DIAPH2: variants seen among roughly 807,000 people sequenced by gnomAD.
DIAPH2 encodes protein diaphanous homolog 2.
A neutral mutation model predicts 92.7 loss-of-function variants in DIAPH2; 35 were observed. The ratio of observed to expected loss-of-function variants is 0.38; its 90% confidence interval spans 0.29 to 0.50. DIAPH2 has a LOEUF of 0.50. DIAPH2 is among the 20% of genes least tolerant of loss of function. The pLI, the probability that DIAPH2 is intolerant of heterozygous loss-of-function variation, is 0.94. For synonymous variants in DIAPH2, 301 were observed against 280.4 expected, an observed-to-expected ratio of 1.07 and a Z score of -0.73; for missense variants, 701 against 819.5, an observed-to-expected ratio of 0.86 and a Z score of 1.77.
At chrX:97,541,378 A>G (rs1226750417) in intron 26 of DIAPH2, among the ~76,000 whole-genome samples, 4 of 111,857 alleles carry the variant, frequency 3.6e-5, no homozygotes, top group Non-Finnish European at 5.6e-5. Context: ...TGAGATCACA[A>G]AGAAGTACTG....
chrX:97,424,116 A>G (rs759276414), intron 25 of DIAPH2, among the ~76,000 whole-genome samples: 2 of 112,138 alleles, frequency 1.8e-5, no homozygotes, highest in South Asian at 7.4e-4. Context: ...AATCAATCCC[A>G]TGATTATATT....
intron 1 of DIAPH2, among the ~76,000 whole-genome samples, chrX:96,719,219 C>T (rs2063974362): frequency 8.9e-6 from 1 of 111,942 alleles, no homozygotes; most frequent in Non-Finnish European, 1.9e-5. Flanking sequence ...AATATTTTCT[C>T]CTATACTGTG....
At chrX:96,885,075 G>A (rs369646035) in intron 5 of DIAPH2, 3 of 1,205,464 alleles carry the variant, frequency 2.5e-6, no homozygotes, top group African/African-American at 3.5e-5. Context: ...TGGATCGGGA[G>A]CATTTTAAGT....
At chrX:97,489,429 TTTC>T (rs1206716189) in intron 26 of DIAPH2, among the ~76,000 whole-genome samples, 1 of 111,482 alleles carries the variant, frequency 9.0e-6, no homozygotes, top group South Asian at 3.7e-4. Flanking sequence ...GTCTTTTATT[TTTC>T]TTTTTCTTGT....
At chrX:97,539,692 A>G (rs756354370) in intron 26 of DIAPH2, among the ~76,000 whole-genome samples, 3 of 112,026 alleles carry the variant, frequency 2.7e-5, no homozygotes, top group African/African-American at 9.7e-5. Flanking sequence ...GAGCTTAGAA[A>G]TCATAGTCTT....
At chrX:97,532,467 G>T (rs2071066720) in intron 26 of DIAPH2, among the ~76,000 whole-genome samples, 1 of 112,562 alleles carries the variant, frequency 8.9e-6, no homozygotes, top group Admixed American at 9.4e-5. Flanking sequence ...GTGGCCCAGT[G>T]TCATCCCCAG....
At chrX:97,327,719 C>T (rs1456187021) in intron 23 of DIAPH2, among the ~76,000 whole-genome samples, 1 of 111,823 alleles carries the variant, frequency 8.9e-6, no homozygotes, top group Non-Finnish European at 1.9e-5. Context: ...GGAGTACAGG[C>T]GCAAGCCACT....
At chrX:97,369,414 G>A (rs1602541412) in intron 24 of DIAPH2, among the ~76,000 whole-genome samples, 2 of 68,341 alleles carry the variant, frequency 2.9e-5, no homozygotes, top group Non-Finnish European at 7.7e-5. Context: ...AGGTTTAAAG[G>A]TATGCTTGCT....
rs1421328307 is a variant in DIAPH2 at position 97,302,191 on chromosome X, G to A, written c.2845-45925G>A. 5.9e-5 allele frequency among the ~76,000 whole-genome samples: 4 copies of A among 67,830 alleles called. No individual in the cohort carries two copies. In the Admixed American group the frequency reaches 7.5e-4, roughly 13 times the overall value. The allele number at this position is 67,830 out of a possible 115,157, so 58.9% of individuals were successfully genotyped here. A position where few individuals can be genotyped will look rare whatever the true frequency, so the allele number is the denominator to read the frequency against. On this transcript the variant is annotated intron_variant, in intron 23 of 26. Coordinates refer to ENST00000324765, the MANE Select transcript of DIAPH2 (RefSeq NM_006729.5). ...TCGCACCACTGCACTCCAGCCTGACGATAGAGCAAGACTCCATCTCAAAAA... is the reference window on the plus strand; with the variant it reads ...TCGCACCACTGCACTCCAGCCTGACAATAGAGCAAGACTCCATCTCAAAAA...
intron 15 of DIAPH2, among the ~76,000 whole-genome samples, chrX:96,950,690 A>G (rs766108267): frequency 8.9e-6 from 1 of 111,811 alleles, no homozygotes; most frequent in East Asian, 2.8e-4. Flanking sequence ...TCTTCCTGAA[A>G]CAATTCCCTG....
chrX:97,242,836 G>T (rs1034895544), intron 22 of DIAPH2, among the ~76,000 whole-genome samples: 34 of 109,702 alleles, frequency 3.1e-4, no homozygotes, highest in African/African-American at 1.0e-3. Context: ...GCCCAGGCTG[G>T]AGTGCAGTGG....
chrX:97,443,938 C>G (rs906969380), intron 26 of DIAPH2, among the ~76,000 whole-genome samples: 1 of 111,849 alleles, frequency 8.9e-6, no homozygotes, highest in Non-Finnish European at 1.9e-5. Flanking sequence ...CATATGTTCT[C>G]GTCAGTCTTT....
intron 4 of DIAPH2, among the ~76,000 whole-genome samples, chrX:96,777,551 G>A: frequency 9.0e-6 from 1 of 111,223 alleles, no homozygotes; most frequent in Non-Finnish European, 1.9e-5. Flanking sequence ...AATGAAGCAA[G>A]ATCTTCATTT....
At chrX:97,338,257 C>G (rs1189796642) in intron 23 of DIAPH2, among the ~76,000 whole-genome samples, 1 of 111,885 alleles carries the variant, frequency 8.9e-6, no homozygotes. Flanking sequence ...AAAATTAATA[C>G]ATGCATTCCA....
intron 22 of DIAPH2, among the ~76,000 whole-genome samples, chrX:97,212,521 A>T (rs780138393): frequency 9.1e-6 from 1 of 109,513 alleles, no homozygotes; most frequent in Non-Finnish European, 1.9e-5. Context: ...GCCTCAACCA[A>T]GATCCTATTC....
At chrX:96,802,938 T>C (rs115945607) in intron 4 of DIAPH2, among the ~76,000 whole-genome samples, 2,893 of 111,446 alleles carry the variant, frequency 0.026, 87 homozygotes, top group African/African-American at 0.089. Flanking sequence ...CTTGGAGTCT[T>C]ACATTCCAGG....
chrX:97,169,688 A>G (rs1452964225), intron 22 of DIAPH2, among the ~76,000 whole-genome samples: 2 of 111,237 alleles, frequency 1.8e-5, no homozygotes, highest in East Asian at 5.7e-4. Flanking sequence ...ACATGGTGAG[A>G]CCTCCTCTTT....
chrX:97,443,056 C>A (rs1286663915), intron 26 of DIAPH2, among the ~76,000 whole-genome samples: 1 of 110,146 alleles, frequency 9.1e-6, no homozygotes, highest in Non-Finnish European at 1.9e-5. Flanking sequence ...GCTCACAGCA[C>A]TGTGCCTGGC....
chrX:96,890,271 C>T (rs1276381994), intron 5 of DIAPH2, among the ~76,000 whole-genome samples: 1 of 111,803 alleles, frequency 8.9e-6, no homozygotes, highest in Non-Finnish European at 1.9e-5. Flanking sequence ...AGCTCTAAGC[C>T]TCTGTGTTCT....
Sources: gnomAD v4.1 joint callset for allele counts (sites outside exome capture counted in the v4.1 genomes callset) on GRCh38, gnomAD v4.1.1 for gene constraint, MANE v1.5 for transcripts, NCBI Gene and HGNC (gene_info 2026-07-23, HGNC 2026-07-21) for gene names.